KCNH7: variants seen among roughly 807,000 people sequenced by gnomAD.
The protein encoded by KCNH7 is potassium voltage-gated channel subfamily H member 7.
A neutral mutation model predicts 120.8 loss-of-function variants in KCNH7; 49 were observed. The ratio of observed to expected loss-of-function variants is 0.41; its 90% CI spans 0.32 to 0.51. The LOEUF (loss-of-function observed/expected upper bound fraction) is 0.51. KCNH7 is among the 20% of genes least tolerant of loss of function. KCNH7 has a pLI of 0.38. For synonymous variants in KCNH7, 547 were observed against 516.1 expected (o/e 1.06, Z -0.81); for missense variants, 1,097 against 1,446.6 (o/e 0.76, Z 3.92).
chr2:162,508,179 G>A (rs375683173), intron 5 of KCNH7, among the ~76,000 whole-genome samples: 152 of 151,576 alleles, frequency 1.0e-3, no homozygotes, highest in South Asian at 3.3e-3. Flanking sequence ...GAGACAAGGA[G>A]ACATTGGATC....
At chr2:162,834,639 T>C (rs1007744914) in intron 2 of KCNH7, among the ~76,000 whole-genome samples, 5 of 152,138 alleles carry the variant, frequency 3.3e-5, no homozygotes, top group Non-Finnish European at 5.9e-5. Flanking sequence ...ATATGTTCAA[T>C]ACAGAAAATT....
chr2:162,485,584 A>C (rs1364156101), intron 6 of KCNH7, among the ~76,000 whole-genome samples: 27 of 152,142 alleles, frequency 1.8e-4, no homozygotes, highest in Non-Finnish European at 5.9e-5. Context: ...GGAAGGGAAG[A>C]GAAGTCTTTC....
At chr2:162,613,021 C>T (rs1683021262) in intron 2 of KCNH7, among the ~76,000 whole-genome samples, 1 of 151,820 alleles carries the variant, frequency 6.6e-6, no homozygotes, top group African/African-American at 2.4e-5. Context: ...TTTACTTGGG[C>T]TTCTGGTAAA....
At chr2:162,591,170 C>T (rs763940076) in intron 2 of KCNH7, among the ~76,000 whole-genome samples, 1 of 152,120 alleles carries the variant, frequency 6.6e-6, no homozygotes, top group African/African-American at 2.4e-5. Context: ...TCACCTTTCT[C>T]AACAAGATTA....
At chr2:162,491,547 G>T (rs1481078583) in intron 6 of KCNH7, among the ~76,000 whole-genome samples, 1 of 152,122 alleles carries the variant, frequency 6.6e-6, no homozygotes, top group Non-Finnish European at 1.5e-5. Flanking sequence ...CACAGACAAG[G>T]TATAGGGAAC....
chr2:162,492,556 CT>C (rs1434888551), intron 6 of KCNH7, among the ~76,000 whole-genome samples: 11 of 152,266 alleles, frequency 7.2e-5, no homozygotes, highest in African/African-American at 2.6e-4. Context: ...TTTCTTAAAT[CT>C]TCCCTTCCCT....
At chr2:162,706,138 C>CT (rs552526647) in intron 2 of KCNH7, among the ~76,000 whole-genome samples, 131 of 152,196 alleles carry the variant, frequency 8.6e-4, no homozygotes, top group African/African-American at 2.3e-3. Flanking sequence ...GGGAGCTGTG[C>CT]TGGAGACCGT....
intron 2 of KCNH7, among the ~76,000 whole-genome samples, chr2:162,788,320 T>C (rs191930906): frequency 1.3e-5 from 2 of 152,292 alleles, no homozygotes; most frequent in East Asian, 1.9e-4. Context: ...TGTAATCATT[T>C]TGAAGAAGTT....
At chr2:162,470,207 A>T in intron 6 of KCNH7, among the ~76,000 whole-genome samples, 1 of 139,440 alleles carries the variant, frequency 7.2e-6, no homozygotes, top group East Asian at 2.2e-4. Flanking sequence ...CTGGCTGCCC[A>T]GTCTGGAAAG....
At chr2:162,777,000 T>A (rs373052262) in intron 2 of KCNH7, among the ~76,000 whole-genome samples, 55 of 152,308 alleles carry the variant, frequency 3.6e-4, no homozygotes, top group African/African-American at 1.1e-3. Context: ...CTAGAGTTGG[T>A]ACTTGGAGTT....
intron 3 of KCNH7, 24 bp downstream of exon 3, chr2:162,536,901 G>T (rs1692127523): frequency 1.3e-6 from 2 of 1,598,976 alleles, no homozygotes; most frequent in South Asian, 1.1e-5. Context: ...CAAGAGCATT[G>T]AGTACACATT....
At chr2:162,503,745 C>T (rs1160484151) in intron 6 of KCNH7, among the ~76,000 whole-genome samples, 1 of 151,960 alleles carries the variant, frequency 6.6e-6, no homozygotes, top group East Asian at 1.9e-4. Flanking sequence ...GTAAAAGAAC[C>T]GCTTGCTTGA....
intron 4 of KCNH7, among the ~76,000 whole-genome samples, chr2:162,514,730 G>A (rs1222865598): frequency 6.6e-6 from 1 of 151,666 alleles, no homozygotes; most frequent in Non-Finnish European, 1.5e-5. Flanking sequence ...GTATTGGTCA[G>A]TGATGAATTA....
At chr2:162,425,214 T>G (rs1334036740) in intron 8 of KCNH7, among the ~76,000 whole-genome samples, 1 of 152,056 alleles carries the variant, frequency 6.6e-6, no homozygotes, top group Non-Finnish European at 1.5e-5. Context: ...TCTTGAGACT[T>G]TTCAGCCTCT....
chr2:162,590,763 C>T (rs1055714110), intron 2 of KCNH7, among the ~76,000 whole-genome samples: 23 of 152,082 alleles, frequency 1.5e-4, no homozygotes, highest in African/African-American at 5.6e-4. Context: ...CCATCTGTAG[C>T]CTGGGTGACT....
At chr2:162,491,057 T>C (rs1448137010) in intron 6 of KCNH7, among the ~76,000 whole-genome samples, 1 of 152,122 alleles carries the variant, frequency 6.6e-6, no homozygotes, top group Admixed American at 6.5e-5. Context: ...AAGCTGTGGC[T>C]GCTTCCCGGG....
intron 2 of KCNH7, among the ~76,000 whole-genome samples, chr2:162,596,197 T>G (rs1297933714): frequency 6.6e-6 from 1 of 151,988 alleles, no homozygotes; most frequent in African/African-American, 2.4e-5. Context: ...CATTCAAAAC[T>G]TCACAGACAG....
At chr2:162,797,277 A>G (rs1032759210) in intron 2 of KCNH7, 2 of 152,030 alleles carry the variant, frequency 1.3e-5, no homozygotes, top group Non-Finnish European at 2.9e-5. Flanking sequence ...ATATCTCTGG[A>G]TTATTGCATT....
chr2:162,595,623 G>T (rs1694351974), intron 2 of KCNH7, among the ~76,000 whole-genome samples: 1 of 151,738 alleles, frequency 6.6e-6, no homozygotes, highest in South Asian at 2.1e-4. Flanking sequence ...ATACTCAGTG[G>T]TGAAAAGTTG....
Sources: allele counts gnomAD v4.1 joint callset (sites outside exome capture counted in the v4.1 genomes callset), GRCh38; gene constraint gnomAD v4.1.1; transcripts MANE v1.5; gene names NCBI Gene and HGNC (gene_info 2026-07-23, HGNC 2026-07-21).